The following MEIKIN variants were observed in gnomAD, a reference collection of about 807,000 sequenced individuals.
MEIKIN encodes meiosis-specific kinetochore protein.
intron 5 of MEIKIN, among the ~76,000 whole-genome samples, chr5:131,929,232 T>C (rs1194029865): frequency 6.6e-6 from 1 of 152,242 alleles, no homozygotes; most frequent in African/African-American, 2.4e-5. Flanking sequence ...AAACTGTCTT[T>C]GTATATGACT....
Position 131,945,399 on chromosome 5 carries a change from C to T in MEIKIN, c.106+1G>A. On this transcript the variant is annotated splice_donor_variant, in intron 1 of 12. Transcript: ENST00000442687. LOFTEE classifies it high-confidence loss of function. ...ACGGTGGGCGAGCCTTGAGCCTGTACCTGGCGGGGCCTCGGCCTTCGCTGG... is the reference window on the plus strand; with the variant it reads ...ACGGTGGGCGAGCCTTGAGCCTGTATCTGGCGGGGCCTCGGCCTTCGCTGG... 2.5e-6 allele frequency: 1 copy of T among 399,168 alleles called. No individual in the cohort carries two copies. The highest frequency in any genetic ancestry group is 4.4e-6 in the Non-Finnish European group (1 of 226,180). 24.7% of individuals were successfully genotyped at this position (399,168 alleles called of 1,614,324 possible).
At chr5:131,856,227 T>G (rs553901134) in intron 9 of MEIKIN, among the ~76,000 whole-genome samples, 77 of 152,276 alleles carry the variant, frequency 5.1e-4, no homozygotes, top group African/African-American at 1.8e-3. Flanking sequence ...GGGACTGTGA[T>G]GCAAGGGTTA....
rs555274341 is a variant in MEIKIN at position 131,849,012 on chromosome 5, C to T, written c.975+2252G>A. On this transcript the variant is annotated intron_variant, in intron 11 of 12. Coordinates refer to ENST00000442687, the MANE Select transcript of MEIKIN (RefSeq NM_001303622.2). ...AAAAAGCATTTGACAAAATTCAATA[C>T]CATTTTGTGATAAAAACAATAAACT... is the stretch of plus-strand genomic sequence containing the variant. Among the ~76,000 whole-genome samples the T allele has an allele frequency of 1.2e-3, 185 of 152,280 alleles. 1 individual carries two copies. Among genetic ancestry groups the T allele is most frequent in the African/African-American group, 4.2e-3 (176 of 41,564 alleles).
chr5:131,920,474 T>A (rs938961280), intron 6 of MEIKIN, among the ~76,000 whole-genome samples: 14 of 152,218 alleles, frequency 9.2e-5, no homozygotes, highest in South Asian at 2.1e-4. Context: ...AACTATCTTT[T>A]TGTAGATATT....
intron 9 of MEIKIN, among the ~76,000 whole-genome samples, chr5:131,858,368 G>A (rs1393167929): frequency 6.6e-6 from 1 of 152,172 alleles, no homozygotes; most frequent in Admixed American, 6.5e-5. Context: ...ATGGTGCTGG[G>A]ATAACTGGCC....
Position 131,851,368 on chromosome 5 carries a change from C to G in MEIKIN, c.871G>C (p.Val291Leu), listed in dbSNP as rs891979439. 2.5e-5 allele frequency: 10 copies of G among 397,632 alleles called. No individual in the cohort carries two copies. The highest frequency in any genetic ancestry group is 2.1e-4 in the African/African-American group (10 of 48,464). The allele number at this position is 397,632 out of a possible 1,614,324, so 24.6% of individuals were successfully genotyped here. Residue 291 changes from valine to leucine, a missense_variant, in exon 11 of 13, where the codon GTG becomes CTG. Val to Leu is a conservative substitution (Grantham distance 32). Transcript: ENST00000442687. ...AGTTCTTCAAAAGATGCTTTTTGCA[C>G]TGAGGACAAATCAATCTATAAAAGA... Reference protein sequence around the residue: ...TAGFVIDLSSVQKASFEELFP... With the variant: ...TAGFVIDLSSLQKASFEELFP...
chr5:131,916,880 T>A lies in MEIKIN; in HGVS notation c.638+6A>T. The stretch of plus-strand genomic sequence containing the variant: ...GCTCAACAATTTTAAAATTTTTAGT[T>A]CTTACGTTTTTCTATGGCATTTCTG... On this transcript the variant is annotated splice_donor_region_variant and intron_variant, in intron 7 of 12. Transcript: ENST00000442687. The A allele has an allele frequency of 2.5e-6, 1 of 397,354 alleles. No individual in the cohort carries two copies. Among genetic ancestry groups the A allele is most frequent in the Non-Finnish European group, 4.4e-6 (1 of 225,126 alleles). 24.6% of individuals were successfully genotyped at this position (397,354 alleles called of 1,614,324 possible). A position where few individuals can be genotyped will look rare whatever the true frequency, so the allele number is the denominator to read the frequency against.
intron 7 of MEIKIN, among the ~76,000 whole-genome samples, chr5:131,914,882 T>C (rs1460274127): frequency 1.3e-5 from 2 of 152,044 alleles, no homozygotes; most frequent in Admixed American, 6.5e-5. Context: ...AATGGGAAGA[T>C]GACATTAGAA....
intron 8 of MEIKIN, among the ~76,000 whole-genome samples, chr5:131,895,038 G>C (rs924165765): frequency 6.6e-6 from 1 of 151,770 alleles, no homozygotes; most frequent in African/African-American, 2.4e-5. Flanking sequence ...CTGTAGGTTT[G>C]TCATAAATTT....
intron 8 of MEIKIN, among the ~76,000 whole-genome samples, chr5:131,887,272 A>C (rs952469924): frequency 6.6e-6 from 1 of 152,062 alleles, no homozygotes; most frequent in African/African-American, 2.4e-5. Flanking sequence ...TGCTATTGTG[A>C]AGAGTGCTGC....
intron 6 of MEIKIN, among the ~76,000 whole-genome samples, chr5:131,918,615 T>A (rs1029934002): frequency 3.4e-4 from 51 of 152,200 alleles, no homozygotes; most frequent in African/African-American, 1.2e-3. Context: ...CTCCTCTTCT[T>A]CATTTTCCTT....
chr5:131,865,221 G>T (rs1276809862), intron 9 of MEIKIN, among the ~76,000 whole-genome samples: 2 of 94,068 alleles, frequency 2.1e-5, no homozygotes, highest in African/African-American at 4.5e-5. Context: ...CTGGGATTTT[G>T]TGATTTTTTT....
chr5:131,875,453 C>T (rs2149627043), intron 9 of MEIKIN, among the ~76,000 whole-genome samples: 1 of 152,104 alleles, frequency 6.6e-6, no homozygotes, highest in South Asian at 2.1e-4. Flanking sequence ...TGAAGGACCT[C>T]TTCAAGGAGA....
chr5:131,942,606 C>T, intron 4 of MEIKIN, 29 bp downstream of exon 4: 1 of 398,178 alleles, frequency 2.5e-6, no homozygotes, highest in Admixed American at 4.4e-5. Flanking sequence ...AAACAGAAAG[C>T]TGAGGGAGTT....
chr5:131,844,528 A>C (rs966806745), intron 11 of MEIKIN, among the ~76,000 whole-genome samples: 1 of 152,142 alleles, frequency 6.6e-6, no homozygotes. Context: ...GGAAACCAAA[A>C]TGACTTAGTT....
chr5:131,944,789 G>A, intron 2 of MEIKIN, 37 bp from the exon 3 acceptor site: 3 of 399,022 alleles, frequency 7.5e-6, no homozygotes. Context: ...TGCACCATCT[G>A]GATTTGGCTC....
intron 7 of MEIKIN, 128 bp from the exon 8 acceptor site, chr5:131,912,007 G>T (rs993117461): frequency 2.4e-5 from 9 of 382,100 alleles, no homozygotes; most frequent in African/African-American, 1.7e-4. Context: ...ATATACAGTT[G>T]CTTAGAAAAA....
chr5:131,824,358 A>G (rs1471272771), intron 11 of MEIKIN, among the ~76,000 whole-genome samples: 1 of 151,994 alleles, frequency 6.6e-6, no homozygotes, highest in Non-Finnish European at 1.5e-5. Context: ...TAAAAAAAAA[A>G]AAAATAGAAA....
At chr5:131,874,645 T>G (rs540977295) in intron 9 of MEIKIN, among the ~76,000 whole-genome samples, 79 of 152,314 alleles carry the variant, frequency 5.2e-4, no homozygotes, top group African/African-American at 1.9e-3. Flanking sequence ...ACTCATTTTA[T>G]GAGGCCAGCA....
Sources: gnomAD v4.1 joint callset for allele counts (sites outside exome capture counted in the v4.1 genomes callset) on GRCh38, gnomAD v4.1.1 for gene constraint, MANE v1.5 for transcripts, NCBI Gene and HGNC (gene_info 2026-07-23, HGNC 2026-07-21) for gene names.